The following DGKB variants were observed in gnomAD, a reference collection of about 807,000 sequenced individuals.
DGKB encodes diacylglycerol kinase beta, also known as 90 kDa diacylglycerol kinase.
DGKB carries 67 observed loss-of-function variants against 114.3 expected under a neutral mutation model. The ratio of observed to expected loss-of-function variants is 0.59; its 90% CI spans 0.48 to 0.72. The LOEUF (loss-of-function observed/expected upper bound fraction) is 0.72, where lower values mean the gene tolerates loss of function less well. Among genes scored for constraint, DGKB ranks in the 30% least tolerant of loss-of-function variants. The pLI, the probability that DGKB is intolerant of heterozygous loss-of-function variation, is 0.00. For missense variants in DGKB, 907 were observed against 975.2 expected, an observed-to-expected ratio of 0.93 and a Z score of 0.93; for synonymous variants, 398 against 323.1, an observed-to-expected ratio of 1.23 and a Z score of -2.49.
At chr7:14,155,484 C>T (rs753112083) in intron 25 of DGKB, among the ~76,000 whole-genome samples, 13 of 151,974 alleles carry the variant, frequency 8.6e-5, no homozygotes, top group Non-Finnish European at 1.2e-4. Flanking sequence ...GGGACAGTGG[C>T]AGAATTAAAA....
intron 23 of DGKB, among the ~76,000 whole-genome samples, chr7:14,245,547 T>C (rs1794344226): frequency 6.6e-6 from 1 of 152,082 alleles, no homozygotes; most frequent in African/African-American, 2.4e-5. Context: ...GCAAGACTAA[T>C]GGTATAATGG....
intron 19 of DGKB, among the ~76,000 whole-genome samples, 176 bp downstream of exon 19, chr7:14,580,686 T>A (rs1306515938): frequency 6.6e-6 from 1 of 152,206 alleles, no homozygotes; most frequent in Non-Finnish European, 1.5e-5. Flanking sequence ...ATGGTCTCTT[T>A]TTTCCACTAT....
chr7:14,219,043 C>T (rs1209366737), intron 23 of DGKB, among the ~76,000 whole-genome samples: 2 of 151,952 alleles, frequency 1.3e-5, no homozygotes, highest in Admixed American at 1.3e-4. Context: ...TTTGTGATTT[C>T]CTTCTTTCAC....
chr7:14,598,860 C>T (rs1049905988), intron 17 of DGKB, among the ~76,000 whole-genome samples: 1 of 152,146 alleles, frequency 6.6e-6, no homozygotes, highest in African/African-American at 2.4e-5. Flanking sequence ...GAACATCTAA[C>T]CTATGATTTG....
chr7:14,879,367 T>A (rs1423721995), intron 1 of DGKB, among the ~76,000 whole-genome samples: 1 of 149,578 alleles, frequency 6.7e-6, no homozygotes, highest in Admixed American at 6.6e-5. Context: ...GTTGTATCAT[T>A]TGAACGACTG....
chr7:14,425,630 C>G (rs576763746), intron 21 of DGKB, among the ~76,000 whole-genome samples: 6 of 152,054 alleles, frequency 3.9e-5, no homozygotes, highest in Non-Finnish European at 8.8e-5. Flanking sequence ...TGAAATAGAG[C>G]TTGATTACAA....
At chr7:14,200,597 C>A (rs1408459793) in intron 23 of DGKB, among the ~76,000 whole-genome samples, 1 of 152,026 alleles carries the variant, frequency 6.6e-6, no homozygotes, top group Admixed American at 6.6e-5. Flanking sequence ...CATAATACTA[C>A]ATATGATTTC....
At chr7:14,690,102 C>T (rs1219091318) in intron 9 of DGKB, among the ~76,000 whole-genome samples, 1 of 152,176 alleles carries the variant, frequency 6.6e-6, no homozygotes, top group East Asian at 1.9e-4. Flanking sequence ...ATGTACATTT[C>T]TCTTTTCCCT....
At chr7:14,243,243 C>T (rs1055035964) in intron 23 of DGKB, among the ~76,000 whole-genome samples, 1 of 152,106 alleles carries the variant, frequency 6.6e-6, no homozygotes, top group Non-Finnish European at 1.5e-5. Flanking sequence ...CCAATGCCTA[C>T]TTAAGTGTGG....
intron 1 of DGKB, among the ~76,000 whole-genome samples, chr7:14,910,971 T>A (rs528366241): frequency 3.9e-5 from 6 of 152,250 alleles, no homozygotes; most frequent in Middle Eastern, 3.4e-3. Flanking sequence ...TTTTTCATGT[T>A]GTAATCTATC....
At chr7:14,708,916 A>T (rs1184380559) in intron 6 of DGKB, among the ~76,000 whole-genome samples, 3 of 151,552 alleles carry the variant, frequency 2.0e-5, no homozygotes, top group African/African-American at 7.3e-5. Flanking sequence ...CAAGGACTTC[A>T]TGTCCAAAAC....
chr7:14,582,107 T>C (rs1800016971), intron 18 of DGKB, among the ~76,000 whole-genome samples: 1 of 152,206 alleles, frequency 6.6e-6, no homozygotes, highest in African/African-American at 2.4e-5. Flanking sequence ...TGTTTCAATT[T>C]ATACAGAAGG....
intron 1 of DGKB, among the ~76,000 whole-genome samples, chr7:14,881,962 T>G (rs217575): frequency 0.98 from 149,434 of 151,952 alleles, 73,529 homozygotes; most frequent in East Asian, 1. Flanking sequence ...TAATTTTTTT[T>G]AATCAGTCCT....
intron 4 of DGKB, among the ~76,000 whole-genome samples, chr7:14,738,147 A>G (rs572568835): frequency 3.9e-5 from 6 of 152,372 alleles, no homozygotes; most frequent in African/African-American, 1.4e-4. Flanking sequence ...GAGATGACCT[A>G]TTAAAGAGAA....
chr7:14,150,193 G>A (rs1487357039), intron 25 of DGKB, among the ~76,000 whole-genome samples: 3 of 152,042 alleles, frequency 2.0e-5, no homozygotes, highest in African/African-American at 4.8e-5. Context: ...TTTCTTTAGC[G>A]AACTGCGACT....
chr7:14,145,356 T>A lies in DGKB; in HGVS notation c.*3775A>T, dbSNP rs1435684287. Reference sequence around the variant, plus strand: ...TCTTTTAATAGAGATATTATTCAGTTATTTGAAAAATAACGGAGAACATGA... The same window carrying A: ...TCTTTTAATAGAGATATTATTCAGTAATTTGAAAAATAACGGAGAACATGA... On this transcript the variant is annotated 3_prime_UTR_variant, in exon 26 of 26. Coordinates refer to ENST00000402815, the MANE Select transcript of DGKB (RefSeq NM_001350709.2). The A allele has an allele frequency of 6.6e-6, 1 of 152,214 alleles. No homozygotes were observed. The highest frequency in any genetic ancestry group is 1.5e-5 in the Non-Finnish European group (1 of 68,030). The allele number at this position is 152,214 out of a possible 1,614,324, so 9.4% of individuals were successfully genotyped here.
chr7:14,931,164 T>C (rs1404358715), intron 1 of DGKB, among the ~76,000 whole-genome samples: 2 of 150,478 alleles, frequency 1.3e-5, no homozygotes, highest in East Asian at 3.9e-4. Context: ...CAGGCTAGAG[T>C]GCAGTGGTGC....
intron 20 of DGKB, among the ~76,000 whole-genome samples, chr7:14,514,729 C>T (rs1463836159): frequency 6.6e-6 from 1 of 151,902 alleles, no homozygotes; most frequent in South Asian, 2.1e-4. Flanking sequence ...TTTCAACAAC[C>T]TTATGAGAAA....
intron 23 of DGKB, among the ~76,000 whole-genome samples, chr7:14,213,754 T>A (rs2128311689): frequency 6.6e-6 from 1 of 152,274 alleles, no homozygotes; most frequent in African/African-American, 2.4e-5. Flanking sequence ...GGCCCAGGAT[T>A]CTCATGCCTT....
Sources: allele counts gnomAD v4.1 joint callset (sites outside exome capture counted in the v4.1 genomes callset), GRCh38; gene constraint gnomAD v4.1.1; transcripts MANE v1.5; gene names NCBI Gene and HGNC (gene_info 2026-07-23, HGNC 2026-07-21).